The following RYR3 variants were observed in gnomAD, a reference collection of about 807,000 sequenced individuals.
RYR3 encodes ryanodine receptor 3.
A neutral mutation model predicts 584.3 loss-of-function variants in RYR3; 207 were observed. That is an observed-to-expected ratio of 0.35 (90% CI 0.32 to 0.40). The LOEUF is 0.40. Among genes scored for constraint, RYR3 ranks in the 10% least tolerant of loss-of-function variants. RYR3 has a pLI of 1.00. For missense variants in RYR3, 5,616 were observed against 6,089.2 expected (o/e 0.92, Z 2.59); for synonymous variants, 2,416 against 2,248.5 (o/e 1.07, Z -2.11).
At position 33,670,459 on chromosome 15, in the gene RYR3, C is replaced by T. The variant is rs2152723457; in HGVS notation, c.5763C>T (p.Thr1921=). ...LEEEEEEEED[T]SWTGKLCALV... is the part of the protein sequence containing the mutation. ...AAGAGGAAGAGGAGGAGGAGGACAC[C>T]TCCTGGACAGGAAAACTCTGTGCCT... The change falls in exon 38 of 104, where the codon ACC becomes ACT. Residue 1921 remains threonine (T), a synonymous_variant. Transcript: ENST00000634891. 1 of 1,613,150 alleles carries T rather than the reference C, an allele frequency of 6.2e-7. No individual in the cohort carries two copies. Among genetic ancestry groups the T allele is most frequent in the South Asian group, 1.1e-5 (1 of 90,918 alleles).
intron 1 of RYR3, among the ~76,000 whole-genome samples, chr15:33,415,202 T>G (rs186056622): frequency 7.5e-4 from 114 of 152,344 alleles, no homozygotes; most frequent in Admixed American, 7.2e-3. Context: ...GTATTTTAGA[T>G]ATATTGGGTT....
intron 36 of RYR3, among the ~76,000 whole-genome samples, chr15:33,666,448 C>G (rs1004420012): frequency 5.3e-5 from 8 of 152,134 alleles, no homozygotes; most frequent in Admixed American, 5.2e-4. Flanking sequence ...TTCAGCTGTC[C>G]CCCTGCCATC....
chr15:33,530,737 G>C, intron 4 of RYR3, 71 bp downstream of exon 4: 1 of 1,135,406 alleles, frequency 8.8e-7, no homozygotes, highest in Non-Finnish European at 1.3e-6. Context: ...AATACAGGAA[G>C]CCAGCAATAA....
Position 33,865,943 on chromosome 15 carries a change from A to AGAAAAGTACTGTACT in RYR3, c.*723_*737dup, listed in dbSNP as rs1190659473. 6.5e-6 allele frequency: 1 copy of AGAAAAGTACTGTACT among 152,736 alleles called. No homozygotes were observed. Among genetic ancestry groups the AGAAAAGTACTGTACT allele is most frequent in the Non-Finnish European group, 1.5e-5 (1 of 68,116 alleles). The allele number at this position is 152,736 out of a possible 1,614,324, so 9.5% of individuals were successfully genotyped here. A position where few individuals can be genotyped will look rare whatever the true frequency, so the allele number is the denominator to read the frequency against. ...CTGTCAGTCAACTGCTGTTATTAGA[A>AGAAAAGTACTGTACT]GAAAAGTACTGTACTGAAAATTCAG... On this transcript the variant is annotated 3_prime_UTR_variant, in exon 104 of 104. Coordinates refer to ENST00000634891, the MANE Select transcript of RYR3 (RefSeq NM_001036.6).
At chr15:33,678,742 C>T (rs781067231) in intron 38 of RYR3, among the ~76,000 whole-genome samples, 1 of 152,198 alleles carries the variant, frequency 6.6e-6, no homozygotes, top group Non-Finnish European at 1.5e-5. Context: ...TACCATCACG[C>T]GCCTCGAGGG....
chr15:33,559,473 C>T (rs972289484), intron 10 of RYR3, among the ~76,000 whole-genome samples: 1 of 152,166 alleles, frequency 6.6e-6, no homozygotes, highest in African/African-American at 2.4e-5. Context: ...AGGAGGCAGA[C>T]AAGGGGCAGA....
chr15:33,845,545 C>T lies in RYR3; in HGVS notation c.13497+483C>T, dbSNP rs912260132. ...CTGGGATTACAAGCATGAGCCACTG[C>T]GCCCAGCCCCTAAGTCCTTTAACTC... On this transcript the variant is annotated intron_variant, in intron 93 of 103. Coordinates refer to ENST00000634891, the MANE Select transcript of RYR3 (RefSeq NM_001036.6). Among the ~76,000 whole-genome samples, 5 of 152,176 alleles carry T rather than the reference C, an allele frequency of 3.3e-5. No individual in the cohort carries two copies. The South Asian group carries it at 8.3e-4, about 25-fold the overall frequency.
chr15:33,330,133 A>G (rs771917955), intron 1 of RYR3, among the ~76,000 whole-genome samples: 1 of 152,138 alleles, frequency 6.6e-6, no homozygotes. Flanking sequence ...TAACCAATGA[A>G]TCTCATGAGT....
rs1541963 is a variant in RYR3, at chr15:33,453,559, A to G, written c.52-19860A>G. Reference sequence around the variant, plus strand: ...TGTAGGTTTGGTGCAAAAAGGAACAACTGCTGTAATATAGTGATGATTCTC... The same window carrying G: ...TGTAGGTTTGGTGCAAAAAGGAACAGCTGCTGTAATATAGTGATGATTCTC... On this transcript the variant is annotated intron_variant, in intron 1 of 103. Transcript: ENST00000634891. Among the ~76,000 whole-genome samples, 705 of 152,326 alleles carry G rather than the reference A, an allele frequency of 4.6e-3. 4 individuals carry two copies. The highest frequency in any genetic ancestry group is 0.013 in the South Asian group (65 of 4,818).
intron 1 of RYR3, among the ~76,000 whole-genome samples, chr15:33,334,841 A>C (rs11635488): frequency 0.21 from 32,136 of 152,000 alleles, 3,611 homozygotes; most frequent in Middle Eastern, 0.31. Flanking sequence ...AGAAAAAAAA[A>C]AAACCCCATT....
intron 1 of RYR3, among the ~76,000 whole-genome samples, chr15:33,344,406 G>A (rs930978463): frequency 6.6e-6 from 1 of 152,144 alleles, no homozygotes; most frequent in South Asian, 2.1e-4. Flanking sequence ...CCCTGCCATG[G>A]GTATATATAC....
chr15:33,538,362 G>A (rs1215737492), intron 5 of RYR3, among the ~76,000 whole-genome samples: 1 of 152,134 alleles, frequency 6.6e-6, no homozygotes, highest in Non-Finnish European at 1.5e-5. Context: ...TTTTATCTTA[G>A]CTAGTTTGGC....
chr15:33,774,422 A>G (rs761996161), intron 64 of RYR3, among the ~76,000 whole-genome samples: 6 of 152,190 alleles, frequency 3.9e-5, no homozygotes, highest in African/African-American at 9.7e-5. Flanking sequence ...TCTGCTTTCT[A>G]TGTGCTGCCT....
In RYR3 at chr15:33,480,474, A is replaced by G. The variant is rs527839404; in HGVS notation, c.171+6936A>G. ...CATACACATATTAGGTCCTCAGAAA[A>G]TGTTGATTGGCTTAGTTAAGTTGCC... On this transcript the variant is annotated intron_variant, in intron 2 of 103. Transcript: ENST00000634891. Among the ~76,000 whole-genome samples the G allele has an allele frequency of 2.0e-5, 3 of 152,308 alleles. No individual in the cohort carries two copies. The East Asian group carries it at 5.8e-4, about 29-fold the overall frequency.
chr15:33,841,595 A>G (rs564395139), intron 90 of RYR3, among the ~76,000 whole-genome samples: 1 of 152,348 alleles, frequency 6.6e-6, no homozygotes, highest in South Asian at 2.1e-4. Context: ...GGGTAACTTC[A>G]GAAGGGGAAA....
intron 1 of RYR3, among the ~76,000 whole-genome samples, chr15:33,389,759 A>G (rs562130607): frequency 2.2e-4 from 33 of 152,324 alleles, no homozygotes; most frequent in Non-Finnish European, 3.1e-4. Flanking sequence ...TTTTGTGTGA[A>G]ATCGTGAATA....
chr15:33,656,215 G>A (rs921819791), intron 32 of RYR3, among the ~76,000 whole-genome samples: 2 of 152,216 alleles, frequency 1.3e-5, no homozygotes, highest in Non-Finnish European at 2.9e-5. Flanking sequence ...ATTATTGCAA[G>A]GACAAAACAG....
intron 3 of RYR3, among the ~76,000 whole-genome samples, chr15:33,512,338 T>G (rs2053107442): frequency 6.6e-6 from 1 of 152,242 alleles, no homozygotes; most frequent in African/African-American, 2.4e-5. Flanking sequence ...AGCAGAAGAA[T>G]TAAACGTGAA....
intron 81 of RYR3, among the ~76,000 whole-genome samples, chr15:33,825,286 T>C (rs978429751): frequency 2.0e-5 from 3 of 152,078 alleles, no homozygotes; most frequent in African/African-American, 4.8e-5. Context: ...TGGAAAACTT[T>C]TCTAAACCTT....
Sources: allele counts gnomAD v4.1 joint callset (sites outside exome capture counted in the v4.1 genomes callset), GRCh38; gene constraint gnomAD v4.1.1; transcripts MANE v1.5; gene names NCBI Gene and HGNC (gene_info 2026-07-23, HGNC 2026-07-21).